The following FAM47E variants were observed in gnomAD, a reference collection of about 807,000 sequenced individuals.
The protein encoded by FAM47E is family with sequence similarity 47 member E, also known as protein FAM47E.
FAM47E carries 32 observed loss-of-function variants against 41.6 expected under a neutral mutation model. The ratio of observed to expected loss-of-function variants is 0.77; its 90% CI spans 0.58 to 1.03. The LOEUF (loss-of-function observed/expected upper bound fraction) is 1.03, where lower values mean the gene tolerates loss of function less well. Ranked by LOEUF, FAM47E falls within the 50% of genes least tolerant of loss-of-function variation. FAM47E has a pLI of 0.00. For missense variants in FAM47E, 424 were observed against 485.4 expected, an observed-to-expected ratio of 0.87 and a Z score of 1.19; for synonymous variants, 184 against 188.7, an observed-to-expected ratio of 0.98 and a Z score of 0.20.
chr4:76,283,643 C>T lies in FAM47E; in HGVS notation c.*185C>T. On this transcript the variant is annotated 3_prime_UTR_variant, in exon 8 of 8. Coordinates refer to ENST00000424749, the MANE Select transcript of FAM47E (RefSeq NM_001136570.3). Reference sequence around the variant, plus strand: ...AGCATTTCTCAATGGATTTCTGCTTCAGTTAATCAACATTTTGTATACTTT... The same window carrying T: ...AGCATTTCTCAATGGATTTCTGCTTTAGTTAATCAACATTTTGTATACTTT... 3.9e-6 allele frequency: 2 copies of T among 513,956 alleles called. No individual in the cohort carries two copies. The highest frequency in any genetic ancestry group is 5.5e-5 in the South Asian group (2 of 36,528). The allele number at this position is 513,956 out of a possible 1,614,324, so 31.8% of individuals were successfully genotyped here. A position where few individuals can be genotyped will look rare whatever the true frequency, so the allele number is the denominator to read the frequency against.
At chr4:76,234,215 G>T (rs576978885) in intron 2 of FAM47E, 4 of 152,408 alleles carry the variant, frequency 2.6e-5, no homozygotes, top group Admixed American at 6.5e-5. Flanking sequence ...CAATGCGGGG[G>T]TGTGGGCATG....
chr4:76,245,767 G>A (rs1190220598), intron 2 of FAM47E, among the ~76,000 whole-genome samples: 1 of 151,876 alleles, frequency 6.6e-6, no homozygotes, highest in Non-Finnish European at 1.5e-5. Context: ...AAGAGTGGAG[G>A]TACAGATCTC....
intron 5 of FAM47E, among the ~76,000 whole-genome samples, chr4:76,272,122 T>C (rs150682148): frequency 6.6e-6 from 1 of 152,340 alleles, no homozygotes; most frequent in Admixed American, 6.5e-5. Context: ...GCTGTTAATA[T>C]TATGTCCAAA....
At chr4:76,238,953 T>C (rs1318967423) in intron 2 of FAM47E, among the ~76,000 whole-genome samples, 1 of 152,170 alleles carries the variant, frequency 6.6e-6, no homozygotes, top group African/African-American at 2.4e-5. Context: ...ACCATTTGAC[T>C]ACTCTAAGTA....
Position 76,263,558 on chromosome 4 carries a change from C to T in FAM47E, c.421-146C>T. The T allele has an allele frequency of 3.3e-6, 3 of 898,844 alleles. No homozygotes were observed. The South Asian group carries it at 6.1e-5, about 18-fold the overall frequency. 55.7% of individuals were successfully genotyped at this position (898,844 alleles called of 1,614,324 possible). The stretch of plus-strand genomic sequence containing the variant: ...GTCCAAATCTATCCATAGCACCCAG[C>T]ATAATACTTGGCACAGAAGTTGGTG... On this transcript the variant is annotated intron_variant, in intron 2 of 7. Transcript: ENST00000424749.
chr4:76,214,612 T>G (rs1476477507), intron 1 of FAM47E, among the ~76,000 whole-genome samples: 1 of 152,182 alleles, frequency 6.6e-6, no homozygotes, highest in Non-Finnish European at 1.5e-5. Flanking sequence ...AAAGCAGGCA[T>G]CGCTGGTGTT....
intron 2 of FAM47E, among the ~76,000 whole-genome samples, chr4:76,259,786 T>A (rs1311224096): frequency 6.6e-6 from 1 of 152,186 alleles, no homozygotes; most frequent in Non-Finnish European, 1.5e-5. Flanking sequence ...TAAAAATGAA[T>A]AATTTCATGA....
intron 5 of FAM47E, among the ~76,000 whole-genome samples, chr4:76,275,457 A>G (rs769637889): frequency 9.3e-4 from 141 of 152,142 alleles, no homozygotes; most frequent in Non-Finnish European, 2.8e-4. Context: ...TTGTGTATGC[A>G]TTTATTCAAA....
chr4:76,271,626 C>T lies in FAM47E; in HGVS notation c.728C>T (p.Thr243Ile). The T allele has an allele frequency of 1.3e-6, 2 of 1,552,182 alleles. No homozygotes were observed. Among genetic ancestry groups the T allele is most frequent in the Non-Finnish European group, 1.7e-6 (2 of 1,147,100 alleles). ...ILKQFDIDYE[T>I]KPSHDALHTM... is the part of the protein sequence containing the mutation. ...AAACAGTTTGACATTGACTATGAGA[C>T]CAAACCAAGCCATGATGCGCTCCAC... The change falls in exon 5 of 8, where the codon ACC (threonine) becomes ATC (isoleucine). Residue 243 changes from threonine (T) to isoleucine (I), a missense_variant. Transcript: ENST00000424749.
intron 1 of FAM47E, chr4:76,214,533 G>GC: frequency 2.9e-6 from 1 of 345,950 alleles, no homozygotes; most frequent in Non-Finnish European, 5.7e-6. Flanking sequence ...AGGTGTTGAG[G>GC]CCCCAAGAGG....
chr4:76,229,766 A>T (rs1390996391), intron 2 of FAM47E, among the ~76,000 whole-genome samples: 1 of 152,154 alleles, frequency 6.6e-6, no homozygotes, highest in African/African-American at 2.4e-5. Context: ...ACTCTGTGAG[A>T]GTCCTTGGTT....
chr4:76,262,719 G>C (rs539223126), intron 2 of FAM47E, among the ~76,000 whole-genome samples: 1 of 152,080 alleles, frequency 6.6e-6, no homozygotes, highest in Non-Finnish European at 1.5e-5. Flanking sequence ...TGATATCTTG[G>C]TTCTTTGGGT....
At chr4:76,256,677 C>T (rs1734208207) in intron 2 of FAM47E, among the ~76,000 whole-genome samples, 154 bp downstream of exon 2, 1 of 152,166 alleles carries the variant, frequency 6.6e-6, no homozygotes, top group Non-Finnish European at 1.5e-5. Flanking sequence ...GGCCTCAGAG[C>T]AGCCTTCTGT....
chr4:76,262,593 A>G (rs1482254071), intron 2 of FAM47E, among the ~76,000 whole-genome samples: 2 of 152,196 alleles, frequency 1.3e-5, no homozygotes, highest in African/African-American at 4.8e-5. Flanking sequence ...ATGCATTGTC[A>G]CAAAACTAAC....
chr4:76,227,665 T>C lies in FAM47E; in HGVS notation c.81+9977T>C, dbSNP rs1733420950. Among the ~76,000 whole-genome samples the C allele has an allele frequency of 2.6e-5, 4 of 152,324 alleles. No individual in the cohort carries two copies. In the South Asian group the frequency reaches 8.3e-4, roughly 32 times the overall value. On this transcript the variant is annotated intron_variant, in intron 2 of 7. Transcript: ENST00000510197. Reference sequence around the variant, plus strand: ...TTATTGTGTTACCATCTATCTCATTTCTTAGGTCTAGTAATACATGTTTTA... The same window carrying C: ...TTATTGTGTTACCATCTATCTCATTCCTTAGGTCTAGTAATACATGTTTTA...
chr4:76,246,063 A>G (rs537287140), intron 2 of FAM47E, among the ~76,000 whole-genome samples: 4 of 152,210 alleles, frequency 2.6e-5, no homozygotes, highest in Non-Finnish European at 5.9e-5. Context: ...GAAGCCACTT[A>G]AAACACTATG....
At chr4:76,247,910 C>CTCTTTT (rs1310282160), upstream of FAM47E, among the ~76,000 whole-genome samples, 5 of 86,846 alleles carry the variant, frequency 5.8e-5, no homozygotes, top group Admixed American at 1.8e-4. Context: ...CACTCTCTCT[C>CTCTTTT]TTTTTTTTTT....
At chr4:76,278,398 T>C in intron 6 of FAM47E, 174 bp downstream of exon 6, 1 of 632,738 alleles carries the variant, frequency 1.6e-6, no homozygotes. Flanking sequence ...GAATGTGTAA[T>C]AAGCAAGACT....
At chr4:76,242,912 C>T (rs552171961) in intron 2 of FAM47E, among the ~76,000 whole-genome samples, 18 of 152,238 alleles carry the variant, frequency 1.2e-4, no homozygotes, top group African/African-American at 4.3e-4. Context: ...CATTATACTT[C>T]TATTAGAGAG....
Sources: gnomAD v4.1 joint callset for allele counts (sites outside exome capture counted in the v4.1 genomes callset) on GRCh38, gnomAD v4.1.1 for gene constraint, MANE v1.5 for transcripts, NCBI Gene and HGNC (gene_info 2026-07-23, HGNC 2026-07-21) for gene names.